Variants in RUFY4 observed in about 807,000 individuals in gnomAD.
RUFY4 encodes the protein RUN and FYVE domain-containing protein 4.
A neutral mutation model predicts 69.0 loss-of-function variants in RUFY4; 73 were observed. The observed-to-expected ratio is 1.06, with a 90% CI of 0.88 to 1.29. The LOEUF (loss-of-function observed/expected upper bound fraction) is 1.29, where lower values mean the gene tolerates loss of function less well. Ranked by LOEUF, RUFY4 falls within the 50% of genes most tolerant of loss-of-function variation. The pLI, the probability that RUFY4 is intolerant of heterozygous loss-of-function variation, is 0.00. For synonymous variants in RUFY4, 287 were observed against 271.8 expected (o/e 1.06, Z -0.55); for missense variants, 770 against 705.6 (o/e 1.09, Z -1.03).
intron 2 of RUFY4, among the ~76,000 whole-genome samples, chr2:218,048,423 G>A (rs541256801): frequency 7.2e-5 from 11 of 152,270 alleles, no homozygotes; most frequent in African/African-American, 2.6e-4. Flanking sequence ...TTGCTGTGCA[G>A]AAACTCTTTA....
At chr2:218,062,341 G>A (rs1359942408) in intron 3 of RUFY4, among the ~76,000 whole-genome samples, 1 of 150,580 alleles carries the variant, frequency 6.6e-6, no homozygotes, top group Admixed American at 6.6e-5. Flanking sequence ...AGGAGGCGGA[G>A]CTTGTAGTGA....
rs780696345 is a variant in RUFY4, at chr2:218,075,490, AC to A, written c.999del (p.His333GlnfsTer14). 3 of 1,589,368 alleles carry A rather than the reference AC, an allele frequency of 1.9e-6. No individual in the cohort carries two copies. Among genetic ancestry groups the A allele is most frequent in the South Asian group, 1.1e-5 (1 of 87,286 alleles). ...GGTCAGAGAACAACAGAGGGGACTC[AC>A]AAAAAGGAAGCAGAGTGGAGTCACG... On this transcript the variant is annotated frameshift_variant, in exon 7 of 11. Coordinates refer to ENST00000344321, the Ensembl canonical transcript of RUFY4. LOFTEE classifies it high-confidence loss of function.
At chr2:218,079,711 G>A (rs937514276) in intron 8 of RUFY4, among the ~76,000 whole-genome samples, 8 of 152,198 alleles carry the variant, frequency 5.3e-5, no homozygotes, top group Non-Finnish European at 8.8e-5. Flanking sequence ...GCTCACTCCC[G>A]GGAAAGGAGC....
At chr2:218,071,262 C>T (rs1220923474) in intron 2 of RUFY4, among the ~76,000 whole-genome samples, 1 of 152,130 alleles carries the variant, frequency 6.6e-6, no homozygotes, top group Non-Finnish European at 1.5e-5. Flanking sequence ...CTCACTCTCG[C>T]CCTCTGAGAC....
chr2:218,049,015 A>G (rs1688887291), intron 2 of RUFY4, among the ~76,000 whole-genome samples: 2 of 152,196 alleles, frequency 1.3e-5, no homozygotes, highest in African/African-American at 4.8e-5. Flanking sequence ...CGAAGAGCAT[A>G]TTTTCATGTA....
chr2:218,035,009 T>C (rs1365549430), exon 1 of RUFY4: 1 of 152,268 alleles, frequency 6.6e-6, no homozygotes, highest in African/African-American at 2.4e-5. Context: ...TCAGCCCCCA[T>C]TTGGCCAACA....
chr2:218,056,379 T>C (rs147124761), intron 2 of RUFY4, among the ~76,000 whole-genome samples: 1,714 of 152,250 alleles, frequency 0.011, 35 homozygotes, highest in African/African-American at 0.039. Context: ...TAGAACTTGA[T>C]GCTAAACTCC....
chr2:218,065,947 G>A (rs13407486), upstream of RUFY4, among the ~76,000 whole-genome samples: 42,984 of 151,278 alleles, frequency 0.28, 6,534 homozygotes, highest in East Asian at 0.39. Context: ...CCCTCCTTCA[G>A]CCACTGGCCT....
At chr2:218,057,572 T>C (rs1487442906) in intron 2 of RUFY4, among the ~76,000 whole-genome samples, 1 of 152,096 alleles carries the variant, frequency 6.6e-6, no homozygotes, top group Admixed American at 6.5e-5. Context: ...CTATAAGACC[T>C]GCCTGTTTTA....
At chr2:218,065,137 A>T (rs200422513), upstream of RUFY4, among the ~76,000 whole-genome samples, 1 of 151,214 alleles carries the variant, frequency 6.6e-6, no homozygotes, top group Admixed American at 6.6e-5. Context: ...ACGTCCTCCC[A>T]CTCCTTCCCA....
chr2:218,065,928 T>C (rs1049580632), upstream of RUFY4, among the ~76,000 whole-genome samples: 3 of 149,548 alleles, frequency 2.0e-5, no homozygotes, highest in Non-Finnish European at 4.4e-5. Context: ...CACCAGGGAG[T>C]GTGGCTGCCC....
exon 1 of RUFY4, chr2:218,070,626 C>G (rs1196080410): frequency 4.6e-6 from 7 of 1,537,474 alleles, no homozygotes; most frequent in Non-Finnish European, 6.1e-6. Flanking sequence ...AGGGAGCCAT[C>G]CTCAAGGTCA....
chr2:218,042,418 T>A (rs938580489), intron 2 of RUFY4, among the ~76,000 whole-genome samples: 2 of 152,246 alleles, frequency 1.3e-5, no homozygotes, highest in African/African-American at 4.8e-5. Context: ...TCAGGGTATG[T>A]ATCTATGAAA....
At chr2:218,074,236 G>A (rs997225297) in intron 6 of RUFY4, among the ~76,000 whole-genome samples, 2 of 152,164 alleles carry the variant, frequency 1.3e-5, no homozygotes, top group Non-Finnish European at 2.9e-5. Context: ...CTGGACAATT[G>A]ACACATGACT....
chr2:218,072,155 A>G (rs1306860519), intron 2 of RUFY4, among the ~76,000 whole-genome samples: 2 of 152,218 alleles, frequency 1.3e-5, no homozygotes, highest in Admixed American at 6.5e-5. Context: ...CAAGAGCTCA[A>G]TAAGGGCCTC....
At chr2:218,046,785 A>G (rs959553623) in intron 2 of RUFY4, among the ~76,000 whole-genome samples, 1 of 152,176 alleles carries the variant, frequency 6.6e-6, no homozygotes, top group East Asian at 1.9e-4. Flanking sequence ...AACACATCAA[A>G]TAAGTCTAAT....
chr2:218,053,671 G>A (rs146515578), intron 2 of RUFY4, among the ~76,000 whole-genome samples: 3,637 of 151,874 alleles, frequency 0.024, 64 homozygotes, highest in South Asian at 0.076. Flanking sequence ...CACCGCGCCC[G>A]GCTAATTTTT....
chr2:218,077,139 C>T (rs150299352), intron 8 of RUFY4, among the ~76,000 whole-genome samples: 177 of 152,228 alleles, frequency 1.2e-3, no homozygotes, highest in African/African-American at 3.9e-3. Flanking sequence ...GGCTAGTTAG[C>T]GGGGGAGCTG....
chr2:218,084,853 G>A lies in RUFY4; in HGVS notation c.1502+1597G>A, dbSNP rs374933138. On this transcript the variant is annotated intron_variant, in intron 9 of 10. Transcript: ENST00000344321. The stretch of plus-strand genomic sequence containing the variant: ...ACCTGAGGTCAGGAGTTCAAGACCA[G>A]CCTGAACAACATGGTGAAGCTCTGC... Among the ~76,000 whole-genome samples, 34 of 152,254 alleles carry A rather than the reference G, an allele frequency of 2.2e-4. 1 individual carries two copies. The South Asian group carries it at 4.3e-3, about 19-fold the overall frequency.
Sources: allele counts gnomAD v4.1 joint callset (sites outside exome capture counted in the v4.1 genomes callset), GRCh38; gene constraint gnomAD v4.1.1; transcripts MANE v1.5; gene names NCBI Gene and HGNC (gene_info 2026-07-23, HGNC 2026-07-21).